LEPR: variants seen among roughly 807,000 people sequenced by gnomAD.
The protein encoded by LEPR is leptin receptor.
A neutral mutation model predicts 114.7 loss-of-function variants in LEPR; 56 were observed. The ratio of observed to expected loss-of-function variants is 0.49; its 90% CI spans 0.39 to 0.61. The LOEUF (loss-of-function observed/expected upper bound fraction) is 0.61, where lower values mean the gene tolerates loss of function less well. LEPR is among the 20% of genes least tolerant of loss of function. The pLI, the probability that LEPR is intolerant of heterozygous loss-of-function variation, is 0.00. For synonymous variants in LEPR, 443 were observed against 461.4 expected (o/e 0.96, Z 0.51); for missense variants, 1,202 against 1,352.9 (o/e 0.89, Z 1.75).
At chr1:65,434,107 A>G in intron 2 of LEPR, 2 of 984,662 alleles carry the variant, frequency 2.0e-6, no homozygotes, top group Non-Finnish European at 1.2e-6. Flanking sequence ...TCTTGATTGT[A>G]TCTTTAGATT....
intron 2 of LEPR, among the ~76,000 whole-genome samples, chr1:65,531,117 G>C (rs1408701587): frequency 6.6e-6 from 1 of 152,044 alleles, no homozygotes; most frequent in Non-Finnish European, 1.5e-5. Flanking sequence ...TGATCATTCT[G>C]CTTGCCACTT....
At chr1:65,421,564 T>G in intron 1 of LEPR, 2 of 1,303,490 alleles carry the variant, frequency 1.5e-6, no homozygotes, top group Non-Finnish European at 2.1e-6. Flanking sequence ...ATATCCCCAG[T>G]TAACATCTGC....
Position 65,425,332 on chromosome 1 carries a change from AT to A in LEPR, c.-65del. 1 of 1,608,688 alleles carries A rather than the reference AT, an allele frequency of 6.2e-7. No individual in the cohort carries two copies. The highest frequency in any genetic ancestry group is 1.7e-4 in the Middle Eastern group (1 of 6,048). ...CGTGGCATTATCCTTCAGTGGGGCTATTGGACTGACTTTTCTTATGCTGGGA... is the reference window on the plus strand; with the variant it reads ...CGTGGCATTATCCTTCAGTGGGGCTATGGACTGACTTTTCTTATGCTGGGA... On this transcript the variant is annotated 5_prime_UTR_variant, in exon 2 of 20. It adds an upstream start codon to the 5' untranslated region. Transcript: ENST00000349533.
chr1:65,518,366 A>T (rs1403115737), intron 2 of LEPR, among the ~76,000 whole-genome samples: 1 of 152,176 alleles, frequency 6.6e-6, no homozygotes, highest in Non-Finnish European at 1.5e-5. Flanking sequence ...GGGTCTGCTG[A>T]GAAGGCCGAG....
Position 65,636,952 on chromosome 1 carries a change from C to T in LEPR, c.3435C>T (p.Phe1145=). Residue 1145 remains phenylalanine, a synonymous_variant, in exon 20 of 20, where the codon TTC becomes TTT. Transcript: ENST00000349533. ...CTTTTGCATCTTACATGCCTCAATT[C>T]CAAACTTGTTCTACTCAGACTCATA... ...KKTFASYMPQ[F]QTCSTQTHKI... The T allele has an allele frequency of 6.2e-7, 1 of 1,610,116 alleles. No individual in the cohort carries two copies. Among genetic ancestry groups the T allele is most frequent in the Non-Finnish European group, 8.5e-7 (1 of 1,178,890 alleles).
At chr1:65,635,705 G>T (rs1658695369) in intron 19 of LEPR, among the ~76,000 whole-genome samples, 2 of 151,876 alleles carry the variant, frequency 1.3e-5, no homozygotes, top group East Asian at 3.9e-4. Flanking sequence ...AAGTTATTTT[G>T]GTCATTTCAT....
At chr1:65,560,118 T>C (rs982795888) in intron 2 of LEPR, among the ~76,000 whole-genome samples, 9 of 128,844 alleles carry the variant, frequency 7.0e-5, no homozygotes, top group Non-Finnish European at 1.2e-4. Flanking sequence ...GGGGATGGCA[T>C]TGAATCTGTA....
intron 2 of LEPR, among the ~76,000 whole-genome samples, chr1:65,441,632 G>A (rs1646650612): frequency 6.6e-6 from 1 of 152,170 alleles, no homozygotes; most frequent in Non-Finnish European, 1.5e-5. Flanking sequence ...AAATGTTTTA[G>A]ATAATAAAGT....
At chr1:65,537,569 A>G (rs1171265) in intron 2 of LEPR, among the ~76,000 whole-genome samples, 94,309 of 151,648 alleles carry the variant, frequency 0.62, 30,239 homozygotes, top group Middle Eastern at 0.75. Flanking sequence ...TAATTTTATG[A>G]GCTCCTTTAT....
chr1:65,523,677 A>T (rs1337852692), intron 2 of LEPR, among the ~76,000 whole-genome samples: 2 of 152,206 alleles, frequency 1.3e-5, no homozygotes, highest in Non-Finnish European at 2.9e-5. Context: ...ATTTCAAATA[A>T]TGATGCTGGA....
Position 65,472,188 on chromosome 1 carries a change from G to T in LEPR, c.-21+46810G>T, listed in dbSNP as rs546570168. On this transcript the variant is annotated intron_variant, in intron 2 of 19. Transcript: ENST00000349533. ...ATCTAGAAGGTATTACCAAACATCC[G>T]TTTTTTTTAAAAAAGCATAAGGCAT... 3.9e-3 allele frequency among the ~76,000 whole-genome samples: 587 copies of T among 151,394 alleles called. 2 individuals carry two copies. Among genetic ancestry groups the T allele is most frequent in the Middle Eastern group, 6.8e-3 (2 of 292 alleles).
intron 2 of LEPR, chr1:65,429,905 C>T: frequency 6.5e-7 from 1 of 1,538,510 alleles, no homozygotes; most frequent in Non-Finnish European, 8.9e-7. Context: ...CGCCATCTCC[C>T]CCATCCCCCA....
chr1:65,470,032 A>G (rs967638162), intron 2 of LEPR, among the ~76,000 whole-genome samples: 2 of 152,110 alleles, frequency 1.3e-5, no homozygotes, highest in African/African-American at 4.8e-5. Flanking sequence ...TTCTGGGGGG[A>G]AATGTTTCCC....
At position 65,638,268 on chromosome 1, in the gene LEPR, G is replaced by T. The variant is rs1309819149; in HGVS notation, c.*1253G>T. 6.6e-6 allele frequency: 1 copy of T among 152,106 alleles called. No individual in the cohort carries two copies. The highest frequency in any genetic ancestry group is 6.6e-5 in the Admixed American group (1 of 15,264). 9.4% of individuals were successfully genotyped at this position (152,106 alleles called of 1,614,324 possible). A position where few individuals can be genotyped will look rare whatever the true frequency, so the allele number is the denominator to read the frequency against. On this transcript the variant is annotated 3_prime_UTR_variant, in exon 20 of 20. Coordinates refer to ENST00000349533, the MANE Select transcript of LEPR (RefSeq NM_002303.6). ...TAAGTAGAAGTATAATGCTGGATGA[G>T]AAATTAAGTGAGAATTGCACAGATC...
intron 3 of LEPR, among the ~76,000 whole-genome samples, chr1:65,569,674 T>G (rs892991435): frequency 4.9e-5 from 6 of 123,024 alleles, no homozygotes; most frequent in Non-Finnish European, 9.4e-5. Flanking sequence ...GCCACTGCAC[T>G]CCAGCCTGAG....
chr1:65,543,328 A>C (rs936646409), intron 2 of LEPR, among the ~76,000 whole-genome samples: 6 of 151,558 alleles, frequency 4.0e-5, no homozygotes, highest in African/African-American at 1.5e-4. Flanking sequence ...TTTTCTTATA[A>C]ATTTGTTTAA....
At chr1:65,574,478 T>C (rs960822809) in intron 5 of LEPR, among the ~76,000 whole-genome samples, 1 of 152,198 alleles carries the variant, frequency 6.6e-6, no homozygotes, top group African/African-American at 2.4e-5. Flanking sequence ...AATATATGTT[T>C]TGCCAAGTCC....
chr1:65,633,323 T>C lies in LEPR; in HGVS notation c.2674-2868T>C. 7.0e-7 allele frequency: 1 copy of C among 1,419,810 alleles called. No individual in the cohort carries two copies. The highest frequency in any genetic ancestry group is 9.2e-7 in the Non-Finnish European group (1 of 1,088,322). 88.0% of individuals were successfully genotyped at this position (1,419,810 alleles called of 1,614,324 possible). A position where few individuals can be genotyped will look rare whatever the true frequency, so the allele number is the denominator to read the frequency against. ...GTTAACATATGGTGGATTATGTTGA[T>C]TTAGAACTTAAAATAGATGTGTAAA... On this transcript the variant is annotated intron_variant, in intron 19 of 19. Coordinates refer to ENST00000349533, the MANE Select transcript of LEPR (RefSeq NM_002303.6). The surrounding 1 kb of genome is among the most constrained non-coding windows in gnomAD (Gnocchi z 4.1).
rs1347531212 is a variant in LEPR, at chr1:65,609,816, A to G, written c.1753-131A>G. ...CAAGCCTAATTGTGACTATTTCTGA[A>G]GGCAGAGAACACAGAATCAGTTCTC... is the stretch of plus-strand genomic sequence containing the variant. On this transcript the variant is annotated intron_variant, in intron 12 of 19. Transcript: ENST00000349533. 3 of 1,293,952 alleles carry G rather than the reference A, an allele frequency of 2.3e-6. No homozygotes were observed. In the African/African-American group the frequency reaches 4.4e-5, roughly 19 times the overall value. The allele number at this position is 1,293,952 out of a possible 1,614,324, so 80.2% of individuals were successfully genotyped here.
Sources: gnomAD v4.1 joint callset for allele counts (sites outside exome capture counted in the v4.1 genomes callset) on GRCh38, gnomAD v4.1.1 for gene constraint, Gnocchi (gnomAD v3.1) non-coding constraint, MANE v1.5 for transcripts, NCBI Gene and HGNC (gene_info 2026-07-23, HGNC 2026-07-21) for gene names.